Variants in TACC2 observed in about 807,000 individuals in gnomAD.
TACC2 encodes transforming acidic coiled-coil-containing protein 2.
A neutral mutation model predicts 227.3 loss-of-function variants in TACC2; 137 were observed. The observed-to-expected ratio is 0.60, with a 90% CI of 0.52 to 0.69. The LOEUF (loss-of-function observed/expected upper bound fraction) is 0.69. Among genes scored for constraint, TACC2 ranks in the 30% least tolerant of loss-of-function variants. TACC2 has a pLI of 0.00. For missense variants in TACC2, 3,470 were observed against 3,694.4 expected, an observed-to-expected ratio of 0.94 and a Z score of 1.57; for synonymous variants, 1,523 against 1,487.5, an observed-to-expected ratio of 1.02 and a Z score of -0.55.
intron 2 of TACC2, among the ~76,000 whole-genome samples, chr10:122,025,505 C>T (rs1957874912): frequency 1.3e-5 from 2 of 152,028 alleles, no homozygotes; most frequent in South Asian, 4.1e-4. Flanking sequence ...TCGTGATCCG[C>T]CCACCTCAGC....
chr10:122,157,156 A>G (rs1592713422), intron 7 of TACC2, among the ~76,000 whole-genome samples: 1 of 152,166 alleles, frequency 6.6e-6, no homozygotes, highest in East Asian at 1.9e-4. Flanking sequence ...GGAGGAGCAT[A>G]CGAGGGAGGA....
At chr10:122,058,961 C>T (rs1489156763) in intron 3 of TACC2, among the ~76,000 whole-genome samples, 5 of 146,484 alleles carry the variant, frequency 3.4e-5, no homozygotes, top group Admixed American at 6.8e-5. Flanking sequence ...GGCGCAATCT[C>T]GGCTCACTGC....
At chr10:122,156,127 G>A (rs750066216) in intron 7 of TACC2, among the ~76,000 whole-genome samples, 20 of 150,474 alleles carry the variant, frequency 1.3e-4, no homozygotes, top group Admixed American at 9.9e-4. Flanking sequence ...GTGAGCCACC[G>A]TGCCTGGCCA....
chr10:122,176,328 G>T (rs560624215), intron 7 of TACC2, among the ~76,000 whole-genome samples: 2 of 151,860 alleles, frequency 1.3e-5, no homozygotes, highest in East Asian at 1.9e-4. Context: ...GGCTGGCTTT[G>T]TCATTTAGGA....
At chr10:122,235,317 G>A (rs532003687) in intron 16 of TACC2, among the ~76,000 whole-genome samples, 491 of 152,264 alleles carry the variant, frequency 3.2e-3, no homozygotes, top group Non-Finnish European at 5.2e-3. Flanking sequence ...TGAACTCCTG[G>A]CCTCAAGTGA....
chr10:122,253,760 A>G (rs190714807), intron 22 of TACC2, among the ~76,000 whole-genome samples: 3 of 152,306 alleles, frequency 2.0e-5, no homozygotes, highest in East Asian at 1.9e-4. Context: ...GTTATCACCT[A>G]TGTTCTAGAG....
chr10:122,050,303 G>A lies in TACC2; in HGVS notation c.34-135G>A. ...CCTAGCTCAGTGCCGCACATAGTAGGTGTTTCGTTGGACGGCAGAGCAAGT... is the reference window on the plus strand; with the variant it reads ...CCTAGCTCAGTGCCGCACATAGTAGATGTTTCGTTGGACGGCAGAGCAAGT... On this transcript the variant is annotated intron_variant, in intron 2 of 22. Transcript: ENST00000369005. The surrounding 1 kb of genome is among the most constrained non-coding windows in gnomAD (Gnocchi z 4.6). 1 of 675,820 alleles carries A rather than the reference G, an allele frequency of 1.5e-6. No individual in the cohort carries two copies. The allele number at this position is 675,820 out of a possible 1,614,324, so 41.9% of individuals were successfully genotyped here. A position where few individuals can be genotyped will look rare whatever the true frequency, so the allele number is the denominator to read the frequency against.
chr10:122,173,953 G>C (rs1424000326), intron 7 of TACC2, among the ~76,000 whole-genome samples: 1 of 152,206 alleles, frequency 6.6e-6, no homozygotes, highest in Non-Finnish European at 1.5e-5. Context: ...AGGGAAGTGG[G>C]CTAGGCTGGG....
At chr10:122,133,073 A>C (rs2088708406) in intron 6 of TACC2, among the ~76,000 whole-genome samples, 1 of 151,998 alleles carries the variant, frequency 6.6e-6, no homozygotes, top group Non-Finnish European at 1.5e-5. Flanking sequence ...AGAACGTGCT[A>C]CTTCTCCTTT....
At chr10:122,020,926 C>A (rs988309436) in intron 1 of TACC2, among the ~76,000 whole-genome samples, 2 of 152,036 alleles carry the variant, frequency 1.3e-5, no homozygotes, top group Non-Finnish European at 2.9e-5. Context: ...GTGGGAAGCA[C>A]CCTAATTAAG....
intron 2 of TACC2, among the ~76,000 whole-genome samples, chr10:122,028,927 C>CT (rs1958530779): frequency 9.1e-5 from 2 of 21,968 alleles, no homozygotes; most frequent in African/African-American, 4.8e-4. Context: ...CCTTCCCTTC[C>CT]CTCCCCTCGC....
Position 122,083,517 on chromosome 10 carries a change from A to C in TACC2, c.1017A>C (p.Ala339=), listed in dbSNP as rs1472519482. 1.2e-6 allele frequency: 2 copies of C among 1,613,202 alleles called. No homozygotes were observed. Among genetic ancestry groups the C allele is most frequent in the Non-Finnish European group, 1.7e-6 (2 of 1,179,980 alleles). The change falls in exon 4 of 23, where the codon GCA becomes GCC. Residue 339 remains alanine, a synonymous_variant. Coordinates refer to ENST00000369005, the MANE Select transcript of TACC2 (RefSeq NM_206862.4). ...SQESCQQPVG[A]YLPHAELPWG... ...AGAGCTGCCAGCAGCCAGTGGGAGC[A>C]TATCTGCCGCACGCAGAGCTGCCCT...
chr10:122,032,261 C>T (rs1014037277), intron 2 of TACC2, among the ~76,000 whole-genome samples: 1 of 152,164 alleles, frequency 6.6e-6, no homozygotes, highest in African/African-American at 2.4e-5. Context: ...TTCTGCTCCC[C>T]ATCCCTGCTG....
At chr10:122,179,509 A>G (rs1285070320) in intron 7 of TACC2, among the ~76,000 whole-genome samples, 2 of 152,192 alleles carry the variant, frequency 1.3e-5, no homozygotes, top group Non-Finnish European at 2.9e-5. Flanking sequence ...TCTTTCCTTG[A>G]TGCCCTTCAC....
intron 7 of TACC2, among the ~76,000 whole-genome samples, chr10:122,148,820 G>A (rs912474256): frequency 1.3e-5 from 2 of 152,200 alleles, no homozygotes; most frequent in East Asian, 1.9e-4. Flanking sequence ...TCATTAGGCC[G>A]TAGGCCTTGG....
chr10:122,015,940 G>T (rs1262517792), intron 1 of TACC2, among the ~76,000 whole-genome samples: 1 of 138,986 alleles, frequency 7.2e-6, no homozygotes, highest in Admixed American at 7.6e-5. Context: ...TACATTCCAG[G>T]ATCCCAAAAT....
chr10:122,043,567 TCTTTCTTTCTTC>T (rs754138690), intron 2 of TACC2, among the ~76,000 whole-genome samples: 1 of 149,408 alleles, frequency 6.7e-6, no homozygotes, highest in Non-Finnish European at 1.5e-5. Context: ...TCTCTCTCTC[TCTTTCTTTCTTC>T]CTTTCTTCCT....
intron 7 of TACC2, among the ~76,000 whole-genome samples, chr10:122,161,343 G>GT (rs1273631095): frequency 6.6e-6 from 1 of 152,204 alleles, no homozygotes; most frequent in Non-Finnish European, 1.5e-5. Context: ...GGGATTCTAC[G>GT]TAAAAGCACT....
chr10:122,089,258 C>A (rs993036629), intron 5 of TACC2, among the ~76,000 whole-genome samples: 1 of 152,074 alleles, frequency 6.6e-6, no homozygotes, highest in Non-Finnish European at 1.5e-5. Flanking sequence ...AGAAAGAAAC[C>A]CTACAGCCCC....
Sources: gnomAD v4.1 joint callset for allele counts (sites outside exome capture counted in the v4.1 genomes callset) on GRCh38, gnomAD v4.1.1 for gene constraint, Gnocchi (gnomAD v3.1) non-coding constraint, MANE v1.5 for transcripts, NCBI Gene and HGNC (gene_info 2026-07-23, HGNC 2026-07-21) for gene names.